Variants in RASA3 observed in about 807,000 individuals in gnomAD.
The protein encoded by RASA3 is RAS p21 protein activator 3, also known as ras GTPase-activating protein 3.
RASA3 carries 73 observed loss-of-function variants against 110.0 expected under a neutral mutation model. That is an observed-to-expected ratio of 0.66 (90% confidence interval 0.55 to 0.81). The LOEUF (loss-of-function observed/expected upper bound fraction) is 0.81. Among genes scored for constraint, RASA3 ranks in the 30% least tolerant of loss-of-function variants. RASA3 has a pLI of 0.00. For missense variants in RASA3, 976 were observed against 1,113.2 expected (o/e 0.88, Z 1.75); for synonymous variants, 500 against 451.4 (o/e 1.11, Z -1.37).
intron 3 of RASA3, among the ~76,000 whole-genome samples, chr13:114,043,838 C>CCCCCCCCCCCCCCCCCCCCCCCTGAGCCG (rs2078986042): frequency 5.0e-5 from 1 of 19,930 alleles, no homozygotes; most frequent in African/African-American, 4.3e-4. Flanking sequence ...ACTCGCTGAG[C>CCCCCCCCCCCCCCCCCCCCCCCTGAGCCG]CCCCCGCCCC....
chr13:114,056,420 C>A lies in RASA3; in HGVS notation c.174-4265G>T, dbSNP rs2079246402. 20 of 983,042 alleles carry A rather than the reference C, an allele frequency of 2.0e-5. No homozygotes were observed. In the South Asian group the frequency reaches 8.9e-4, roughly 44 times the overall value. The allele number at this position is 983,042 out of a possible 1,614,324, so 60.9% of individuals were successfully genotyped here. The stretch of plus-strand genomic sequence containing the variant: ...CCACCCTGATGCACAGGGTGGGAAA[C>A]CGAGGCACTCCAACATCTGATGAAA... On this transcript the variant is annotated intron_variant, in intron 2 of 23. Transcript: ENST00000334062. The surrounding 1 kb of genome is among the most constrained non-coding windows in gnomAD (Gnocchi z 5.7).
chr13:114,075,058 C>T (rs2079645254), intron 1 of RASA3, among the ~76,000 whole-genome samples: 1 of 152,190 alleles, frequency 6.6e-6, no homozygotes. Flanking sequence ...CTGGCAGTGG[C>T]GTCTCCACGA....
At chr13:114,118,758 C>G (rs557502300) in intron 1 of RASA3, among the ~76,000 whole-genome samples, 3 of 152,360 alleles carry the variant, frequency 2.0e-5, no homozygotes, top group African/African-American at 7.2e-5. Context: ...TTAACCAGAC[C>G]AGGCTAGCCC....
At chr13:113,993,660 T>C (rs968410824) in intron 21 of RASA3, among the ~76,000 whole-genome samples, 2 of 151,410 alleles carry the variant, frequency 1.3e-5, no homozygotes, top group Non-Finnish European at 2.9e-5. Flanking sequence ...ATACAAAAAT[T>C]AGCCAGGTGT....
At chr13:114,063,521 T>C (rs2079397372) in intron 2 of RASA3, among the ~76,000 whole-genome samples, 1 of 152,226 alleles carries the variant, frequency 6.6e-6, no homozygotes, top group South Asian at 2.1e-4. Context: ...AGTGAGGTTA[T>C]GTTCCCTGTG....
chr13:114,077,593 C>T (rs577413237), intron 1 of RASA3, among the ~76,000 whole-genome samples: 12 of 146,948 alleles, frequency 8.2e-5, no homozygotes, highest in African/African-American at 3.0e-4. Context: ...CCGGATTCAT[C>T]CTTCCTCCCT....
At chr13:114,043,335 C>T (rs1157504259) in intron 3 of RASA3, among the ~76,000 whole-genome samples, 1 of 152,192 alleles carries the variant, frequency 6.6e-6, no homozygotes, top group East Asian at 1.9e-4. Context: ...GCTGCTGACA[C>T]CTGCCATGCA....
intron 2 of RASA3, among the ~76,000 whole-genome samples, chr13:114,059,775 C>T (rs533316926): frequency 3.3e-5 from 5 of 152,372 alleles, no homozygotes; most frequent in South Asian, 4.1e-4. Flanking sequence ...CTTTGGCCCC[C>T]GCCAGGCGTG....
intron 4 of RASA3, among the ~76,000 whole-genome samples, chr13:114,039,223 C>CA (rs1416326032): frequency 6.6e-6 from 1 of 152,114 alleles, no homozygotes; most frequent in East Asian, 1.9e-4. Flanking sequence ...ACCCCATACT[C>CA]AGACACTCAC....
chr13:114,062,560 ACG>A (rs2079373987), intron 2 of RASA3, among the ~76,000 whole-genome samples: 3 of 133,014 alleles, frequency 2.3e-5, no homozygotes, highest in African/African-American at 9.2e-5. Flanking sequence ...CCACGTCCGC[ACG>A]CAGACTCGGA....
intron 1 of RASA3, among the ~76,000 whole-genome samples, chr13:114,118,995 A>G (rs2139782941): frequency 1.3e-5 from 2 of 152,314 alleles, no homozygotes; most frequent in South Asian, 2.1e-4. Context: ...TCTGGTGGGA[A>G]GAAATCAAAG....
At position 114,065,614 on chromosome 13, in the gene RASA3, G is replaced by A. The variant is rs2079433648; in HGVS notation, c.173+8106C>T. 6.6e-6 allele frequency among the ~76,000 whole-genome samples: 1 copy of A among 152,188 alleles called. No individual in the cohort carries two copies. The highest frequency in any genetic ancestry group is 1.5e-5 in the Non-Finnish European group (1 of 68,030). On this transcript the variant is annotated intron_variant, in intron 2 of 23. Transcript: ENST00000334062. The surrounding 1 kb of genome is among the most constrained non-coding windows in gnomAD (Gnocchi z 4.1). ...CACCCATCAGAAGCACATGGCCAGT[G>A]CAGGGCCACACAGCCCTGGCTCCCA...
intron 17 of RASA3, among the ~76,000 whole-genome samples, chr13:114,008,296 G>A (rs1388885876): frequency 1.3e-5 from 1 of 78,148 alleles, no homozygotes; most frequent in African/African-American, 6.7e-5. Context: ...CCGTGGGGAG[G>A]AGCAGAGCCC....
At chr13:114,038,160 G>A (rs1004789927) in intron 4 of RASA3, among the ~76,000 whole-genome samples, 18 of 152,224 alleles carry the variant, frequency 1.2e-4, no homozygotes, top group East Asian at 3.9e-4. Context: ...CGACGAGGCC[G>A]CACTCTGCCA....
chr13:114,022,991 T>C (rs1179978903), intron 8 of RASA3, among the ~76,000 whole-genome samples: 1 of 152,144 alleles, frequency 6.6e-6, no homozygotes, highest in Admixed American at 6.5e-5. Context: ...TGGTTCAGGA[T>C]GGAGACAACT....
rs150334910 is a variant in RASA3, at chr13:113,981,576, C to T, written c.2429+99G>A. The T allele has an allele frequency of 1.8e-4, 240 of 1,367,032 alleles. No individual in the cohort carries two copies. In the African/African-American group the frequency reaches 2.5e-3, roughly 14 times the overall value. 84.7% of individuals were successfully genotyped at this position (1,367,032 alleles called of 1,614,324 possible). A position where few individuals can be genotyped will look rare whatever the true frequency, so the allele number is the denominator to read the frequency against. On this transcript the variant is annotated intron_variant, in intron 23 of 23. Transcript: ENST00000334062. ...CTCCTCCCAGGCGGACACCTGAGCA[C>T]GGGCGGCCCCACCCGGGAGCTCCCT...
At chr13:114,016,137 C>T in intron 13 of RASA3, 60 bp downstream of exon 13, 3 of 1,445,654 alleles carry the variant, frequency 2.1e-6, no homozygotes, top group South Asian at 2.3e-5. Context: ...TCCAGGCAGC[C>T]ATCGGCTGAA....
intron 4 of RASA3, among the ~76,000 whole-genome samples, chr13:114,039,391 CCCTCCCG>C (rs2054348067): frequency 1.3e-5 from 2 of 152,026 alleles, no homozygotes; most frequent in African/African-American, 2.4e-5. Flanking sequence ...ACCCAGGAAG[CCCTCCCG>C]CGTCCCAAGG....
intron 20 of RASA3, 90 bp from the exon 21 acceptor site, chr13:113,996,829 C>T (rs185925768): frequency 3.8e-5 from 46 of 1,218,096 alleles, no homozygotes; most frequent in Middle Eastern, 4.1e-4. Flanking sequence ...CCGTCCTCGC[C>T]GGAGTCGTAA....
Sources: allele counts gnomAD v4.1 joint callset (sites outside exome capture counted in the v4.1 genomes callset), GRCh38; gene constraint gnomAD v4.1.1; non-coding constraint Gnocchi (gnomAD v3.1); transcripts MANE v1.5; gene names NCBI Gene and HGNC (gene_info 2026-07-23, HGNC 2026-07-21).